VIPR1: variants seen among roughly 807,000 people sequenced by gnomAD.
VIPR1 encodes the protein vasoactive intestinal polypeptide receptor 1.
VIPR1 carries 59 observed loss-of-function variants against 58.8 expected under a neutral mutation model. The ratio of observed to expected loss-of-function variants is 1.00; its 90% CI spans 0.81 to 1.25. The LOEUF (loss-of-function observed/expected upper bound fraction) is 1.25, where lower values mean the gene tolerates loss of function less well. Ranked by LOEUF, VIPR1 falls within the 50% of genes most tolerant of loss-of-function variation. VIPR1 has a pLI of 0.00. For synonymous variants in VIPR1, 251 were observed against 242.1 expected (o/e 1.04, Z -0.34); for missense variants, 626 against 602.7 (o/e 1.04, Z -0.40).
intron 2 of VIPR1, among the ~76,000 whole-genome samples, chr3:42,517,759 T>C (rs2125651930): frequency 6.6e-6 from 1 of 152,280 alleles, no homozygotes; most frequent in South Asian, 2.1e-4. Context: ...GTGAATCACC[T>C]GGGGTCAGGA....
chr3:42,532,419 C>G (rs1701620317), intron 10 of VIPR1, 86 bp downstream of exon 10: 2 of 1,368,686 alleles, frequency 1.5e-6, no homozygotes, highest in East Asian at 2.3e-5. Context: ...TCCTCCCACC[C>G]CAAACATCCA....
intron 1 of VIPR1, among the ~76,000 whole-genome samples, chr3:42,495,661 A>G (rs1336493863): frequency 6.6e-6 from 1 of 151,636 alleles, no homozygotes; most frequent in Non-Finnish European, 1.5e-5. Context: ...TGCAGCAGAT[A>G]CTCTCTTGCT....
chr3:42,502,554 C>A, upstream of VIPR1: 1 of 408,920 alleles, frequency 2.4e-6, no homozygotes. Context: ...CATCCATTGG[C>A]TAGATCCGCC....
chr3:42,491,498 G>A (rs1344288588), intron 1 of VIPR1, among the ~76,000 whole-genome samples: 1 of 152,158 alleles, frequency 6.6e-6, no homozygotes, highest in Non-Finnish European at 1.5e-5. Context: ...TAAGTGATGG[G>A]TGCATGGAAG....
intron 1 of VIPR1, chr3:42,492,378 A>C (rs1699680194): frequency 6.6e-6 from 1 of 152,600 alleles, no homozygotes. Flanking sequence ...CACCACCCCC[A>C]GCTTCCCAGG....
Position 42,531,859 on chromosome 3 carries a change from C to A in VIPR1, c.908C>A (p.Thr303Asn). The A allele has an allele frequency of 1.9e-6, 3 of 1,614,204 alleles. No individual in the cohort carries two copies. The highest frequency in any genetic ancestry group is 1.1e-5 in the South Asian group (1 of 91,084). Residue 303 changes from threonine (T) to asparagine (N), a missense_variant, in exon 9 of 13, where the codon ACC becomes AAC. Transcript: ENST00000325123. ...LWWIIKGPIL[T>N]SILVNFILFI... Reference sequence around the variant, plus strand: ...TGGATCATAAAGGGCCCCATCCTCACCTCCATCTTGGTAAGATACCCTCCC... The same window carrying A: ...TGGATCATAAAGGGCCCCATCCTCAACTCCATCTTGGTAAGATACCCTCCC...
chr3:42,510,609 G>T (rs752335237), intron 1 of VIPR1, among the ~76,000 whole-genome samples: 2 of 152,190 alleles, frequency 1.3e-5, no homozygotes, highest in African/African-American at 2.4e-5. Context: ...CCAGCGGTCA[G>T]AGACTTAGGT....
intron 1 of VIPR1, chr3:42,506,514 A>T (rs1279071364): frequency 6.6e-6 from 1 of 152,106 alleles, no homozygotes; most frequent in African/African-American, 2.4e-5. Flanking sequence ...CATAACTTAG[A>T]AGTATTTCCT....
At chr3:42,536,049 G>A in intron 12 of VIPR1, 41 bp from the exon 13 acceptor site, 4 of 1,539,454 alleles carry the variant, frequency 2.6e-6, no homozygotes, top group Non-Finnish European at 3.5e-6. Context: ...CAGTGGAAGA[G>A]GCTCCACAGC....
chr3:42,512,526 C>T (rs959805937), intron 1 of VIPR1, among the ~76,000 whole-genome samples: 2 of 152,256 alleles, frequency 1.3e-5, no homozygotes, highest in South Asian at 2.1e-4. Flanking sequence ...AGGAAGGTCC[C>T]CCACCTATGT....
intron 1 of VIPR1, among the ~76,000 whole-genome samples, chr3:42,511,344 A>G (rs1293503838): frequency 6.6e-6 from 1 of 152,132 alleles, no homozygotes; most frequent in Admixed American, 6.5e-5. Context: ...ACTTAATCCA[A>G]AGTCCCAGGA....
At chr3:42,518,756 G>T (rs1700760143) in intron 2 of VIPR1, among the ~76,000 whole-genome samples, 1 of 102,356 alleles carries the variant, frequency 9.8e-6, no homozygotes, top group Non-Finnish European at 1.8e-5. Flanking sequence ...TAAATGGCGT[G>T]TGTTTATACA....
chr3:42,535,599 A>G (rs1577263118), intron 12 of VIPR1, among the ~76,000 whole-genome samples: 1 of 152,236 alleles, frequency 6.6e-6, no homozygotes, highest in African/African-American at 2.4e-5. Context: ...CTGCATTTTA[A>G]TAATTATTTT....
chr3:42,524,303 G>A (rs1409812353), intron 3 of VIPR1, among the ~76,000 whole-genome samples: 1 of 152,208 alleles, frequency 6.6e-6, no homozygotes, highest in Non-Finnish European at 1.5e-5. Flanking sequence ...CTGCAATGAT[G>A]GGAAGCTGAG....
chr3:42,519,142 T>G, intron 2 of VIPR1, 81 bp from the exon 3 acceptor site: 1 of 1,123,066 alleles, frequency 8.9e-7, no homozygotes, highest in Non-Finnish European at 1.2e-6. Flanking sequence ...AGGAAGAGAG[T>G]GGGTGCCTAT....
At chr3:42,511,710 G>C (rs1288696293) in intron 1 of VIPR1, 2 of 152,238 alleles carry the variant, frequency 1.3e-5, no homozygotes, top group Non-Finnish European at 2.9e-5. Context: ...GGGTTGGGAT[G>C]GTACCTTGGT....
intron 5 of VIPR1, chr3:42,527,700 A>T: frequency 1.6e-6 from 1 of 639,898 alleles, no homozygotes; most frequent in Non-Finnish European, 2.7e-6. Flanking sequence ...AGTCTCCCCT[A>T]GGATGGCCCT....
At chr3:42,503,100 G>T (rs567354540) in intron 1 of VIPR1, among the ~76,000 whole-genome samples, 2 of 152,156 alleles carry the variant, frequency 1.3e-5, no homozygotes, top group Non-Finnish European at 2.9e-5. Context: ...TCCTTGTCGT[G>T]GTTGTGGGTG....
chr3:42,501,728 C>A (rs1699875610), upstream of VIPR1, among the ~76,000 whole-genome samples: 1 of 152,240 alleles, frequency 6.6e-6, no homozygotes, highest in Admixed American at 6.5e-5. The surrounding 1 kb of genome is among the most constrained non-coding windows in gnomAD (Gnocchi z 4.8). Context: ...CTCTCTGGAC[C>A]CCAGTATCCC....
Sources: allele counts gnomAD v4.1 joint callset (sites outside exome capture counted in the v4.1 genomes callset), GRCh38; gene constraint gnomAD v4.1.1; non-coding constraint Gnocchi (gnomAD v3.1); transcripts MANE v1.5; gene names NCBI Gene and HGNC (gene_info 2026-07-23, HGNC 2026-07-21).